Variants in TRIM63 observed in about 807,000 individuals in gnomAD.
TRIM63 encodes E3 ubiquitin-protein ligase TRIM63.
TRIM63 carries 48 observed loss-of-function variants against 46.0 expected under a neutral mutation model. The ratio of observed to expected loss-of-function variants is 1.04; its 90% CI spans 0.83 to 1.33. TRIM63 has a LOEUF of 1.33. Ranked by LOEUF, TRIM63 falls within the 40% of genes most tolerant of loss-of-function variation. The pLI is 0.00. For missense variants in TRIM63, 455 were observed against 441.2 expected (o/e 1.03, Z -0.28); for synonymous variants, 175 against 162.8 (o/e 1.08, Z -0.57).
chr1:26,061,281 T>C lies in TRIM63; in HGVS notation c.386A>G (p.Lys129Arg), dbSNP rs2050623641. The C allele has an allele frequency of 1.2e-6, 2 of 1,614,094 alleles. No homozygotes were observed. Among genetic ancestry groups the C allele is most frequent in the African/African-American group, 2.7e-5 (2 of 74,946 alleles). ...ACACGTGAGACAGTAGATGTTGATTTTCTCATCTTCGTGCTCCTTGCACAT... is the reference window on the plus strand; with the variant it reads ...ACACGTGAGACAGTAGATGTTGATTCTCTCATCTTCGTGCTCCTTGCACAT... ...HPMCKEHEDEKINIYCLTCEV... is the reference protein window; with the variant it reads ...HPMCKEHEDERINIYCLTCEV... Residue 129 changes from lysine to arginine, a missense_variant, in exon 3 of 9, where the codon AAA becomes AGA. Transcript: ENST00000374272.
At chr1:26,063,950 G>T (rs1194405187) in intron 2 of TRIM63, among the ~76,000 whole-genome samples, 2 of 152,230 alleles carry the variant, frequency 1.3e-5, no homozygotes, top group African/African-American at 2.4e-5. Flanking sequence ...TTTGCATTTT[G>T]TAGTGTTGTG....
intron 4 of TRIM63, among the ~76,000 whole-genome samples, chr1:26,059,883 T>C (rs2050607078): frequency 6.6e-6 from 1 of 152,218 alleles, no homozygotes. Flanking sequence ...AATTTCAACA[T>C]GATCCCAGCG....
intron 4 of TRIM63, among the ~76,000 whole-genome samples, chr1:26,059,393 C>T (rs1450925349): frequency 6.6e-6 from 1 of 152,006 alleles, no homozygotes; most frequent in African/African-American, 2.4e-5. Context: ...CCTGGGCCTC[C>T]CATATGTCCC....
rs750066412 is a variant in TRIM63, at chr1:26,066,380, G to A, written c.220C>T (p.Arg74Cys). 1.9e-5 allele frequency: 31 copies of A among 1,613,084 alleles called. 1 individual carries two copies. Among genetic ancestry groups the A allele is most frequent in the South Asian group, 1.3e-4 (12 of 91,014 alleles). Residue 74 changes from arginine (R) to cysteine (C), a missense_variant, in exon 2 of 9, where the codon CGC becomes TGC. Arg to Cys is a radical substitution (Grantham distance 180, BLOSUM62 -3). Transcript: ENST00000374272. ...SSVSMSGGRFRCPTCRHEVIM... is the reference protein window; with the variant it reads ...SSVSMSGGRFCCPTCRHEVIM... ...ACCTCGTGGCGGCAGGTGGGGCAGC[G>A]GAAACGGCCTCCAGACATGGACACT...
At position 26,067,558 on chromosome 1, in the gene TRIM63, C is replaced by T; in HGVS notation, c.-64G>A. ...TCTACTAACTTTGCTCTAAGTAGAC[C>T]TGGGGGTCTTGCCTTTGTCACAAAA... On this transcript the variant is annotated 5_prime_UTR_variant, in exon 1 of 9. Coordinates refer to ENST00000374272, the MANE Select transcript of TRIM63 (RefSeq NM_032588.4). 2 of 1,566,704 alleles carry T rather than the reference C, an allele frequency of 1.3e-6. No homozygotes were observed. Among genetic ancestry groups the T allele is most frequent in the Non-Finnish European group, 1.7e-6 (2 of 1,153,318 alleles).
chr1:26,062,070 C>T (rs545279328), intron 2 of TRIM63, among the ~76,000 whole-genome samples: 2 of 152,150 alleles, frequency 1.3e-5, no homozygotes, highest in African/African-American at 2.4e-5. Context: ...GAGTTCAAGA[C>T]CAGCTTGACC....
chr1:26,054,004 C>T (rs570501188), intron 7 of TRIM63, 40 bp from the exon 8 acceptor site: 3 of 1,437,224 alleles, frequency 2.1e-6, no homozygotes, highest in East Asian at 4.8e-5. Flanking sequence ...GGGGCCGGTT[C>T]CTTGAGGAGC....
intron 5 of TRIM63, among the ~76,000 whole-genome samples, chr1:26,057,954 G>A (rs1182674616): frequency 6.6e-6 from 1 of 152,096 alleles, no homozygotes; most frequent in Admixed American, 6.6e-5. Context: ...CATACCTAAT[G>A]TCTAGCAAAA....
intron 7 of TRIM63, among the ~76,000 whole-genome samples, chr1:26,055,430 A>G (rs930162604): frequency 1.3e-5 from 2 of 152,168 alleles, no homozygotes; most frequent in African/African-American, 4.8e-5. Flanking sequence ...ACTGAGGCTC[A>G]GGGAGATTAG....
Position 26,059,446 on chromosome 1 carries a change from G to A in TRIM63, c.597+820C>T, listed in dbSNP as rs114870980. Among the ~76,000 whole-genome samples the A allele has an allele frequency of 4.5e-3, 686 of 152,148 alleles. 5 individuals are homozygous for A. The highest frequency in any genetic ancestry group is 0.015 in the African/African-American group (628 of 41,504). On this transcript the variant is annotated intron_variant, in intron 4 of 8. Transcript: ENST00000374272. ...CCCTTTCAGGACCAAGACTGGATTCGGGAAGCTCTGCATCATTTGGTCCTA... is the reference window on the plus strand; with the variant it reads ...CCCTTTCAGGACCAAGACTGGATTCAGGAAGCTCTGCATCATTTGGTCCTA...
Position 26,060,349 on chromosome 1 carries a change from T to G in TRIM63, c.514A>C (p.Asn172His), listed in dbSNP as rs2050612557. ...VFQGQKTELN[N>H]CISMLVAGND... The stretch of plus-strand genomic sequence containing the variant: ...CCCGCCACCAGCATGGAGATACAGT[T>G]ATTCAGTTCAGTCTAGATGGGGGTG... Residue 172 changes from asparagine to histidine, a missense_variant, in exon 4 of 9, where the codon AAC becomes CAC. By Grantham distance (68) the Asn-to-His change is moderately conservative. Transcript: ENST00000374272. 1.9e-6 allele frequency: 3 copies of G among 1,613,884 alleles called. No individual in the cohort carries two copies.
rs1185757231 is a variant in TRIM63, at chr1:26,058,396, G to A, written c.825C>T (p.Phe275=). The part of the protein sequence containing the change: ...QSLDEPGGAT[F]LLTAKQLIKS... ...CCCTTCTAGTCCTGCTCACCAAGAG[G>A]AAGGTGGCTCCCCCAGGCTCGTCCA... Residue 275 remains phenylalanine, a synonymous_variant, in exon 5 of 9, where the codon TTC becomes TTT. Transcript: ENST00000374272. The A allele has an allele frequency of 4.3e-6, 7 of 1,613,902 alleles. No homozygotes were observed. Among genetic ancestry groups the A allele is most frequent in the Non-Finnish European group, 5.9e-6 (7 of 1,179,938 alleles).
At chr1:26,054,147 C>T (rs947169783) in intron 7 of TRIM63, among the ~76,000 whole-genome samples, 183 bp from the exon 8 acceptor site, 9 of 152,226 alleles carry the variant, frequency 5.9e-5, no homozygotes, top group African/African-American at 1.9e-4. Context: ...TGCACAGAGG[C>T]CCTGCTCCTG....
chr1:26,067,324 C>A lies in TRIM63; in HGVS notation c.159+12G>T. The A allele has an allele frequency of 1.9e-6, 3 of 1,613,208 alleles. No individual in the cohort carries two copies. Among genetic ancestry groups the A allele is most frequent in the Non-Finnish European group, 2.5e-6 (3 of 1,179,916 alleles). ...CCTGGGGACCCCAAATGAAGCTGCA[C>A]CCGGCACTTACCTGGAAGATGTCAT... On this transcript the variant is annotated intron_variant, in intron 1 of 8. Transcript: ENST00000374272.
chr1:26,057,332 A>G lies in TRIM63; in HGVS notation c.855-5T>C, dbSNP rs769356360. 2 of 1,613,916 alleles carry G rather than the reference A, an allele frequency of 1.2e-6. No individual in the cohort carries two copies. The highest frequency in any genetic ancestry group is 1.7e-5 in the Admixed American group (1 of 60,004). ...CCCTTGGAAGCTTCCACAATGCTGC[A>G]GGGGAGACAGAAAGAGAGGCAGGAT... On this transcript the variant is annotated splice_region_variant and splice_polypyrimidine_tract_variant and intron_variant, in intron 6 of 8. Transcript: ENST00000374272.
intron 7 of TRIM63, among the ~76,000 whole-genome samples, chr1:26,055,986 T>C (rs190097344): frequency 1.1e-4 from 17 of 152,294 alleles, no homozygotes; most frequent in African/African-American, 4.1e-4. Flanking sequence ...TGAAGGTTTG[T>C]AGGAGAGCGA....
intron 4 of TRIM63, among the ~76,000 whole-genome samples, chr1:26,059,106 C>A (rs923847656): frequency 6.8e-6 from 1 of 146,128 alleles, no homozygotes; most frequent in African/African-American, 2.5e-5. Context: ...CTCACTGCAA[C>A]CTCCACCTCC....
chr1:26,057,573 A>C (rs1432609702), intron 6 of TRIM63, 55 bp downstream of exon 6: 1 of 1,581,644 alleles, frequency 6.3e-7, no homozygotes, highest in Non-Finnish European at 8.6e-7. Flanking sequence ...CTTCCTGGAC[A>C]GAGGTCCTGG....
intron 2 of TRIM63, among the ~76,000 whole-genome samples, chr1:26,064,291 C>T (rs1193857733): frequency 6.6e-6 from 1 of 152,048 alleles, no homozygotes. Flanking sequence ...ATTAGCTGGG[C>T]ACGTTGGCAC....
Sources: allele counts gnomAD v4.1 joint callset (sites outside exome capture counted in the v4.1 genomes callset), GRCh38; gene constraint gnomAD v4.1.1; transcripts MANE v1.5; gene names NCBI Gene and HGNC (gene_info 2026-07-23, HGNC 2026-07-21).